The following PLD5 variants were observed in gnomAD, a reference collection of about 807,000 sequenced individuals.
PLD5 encodes inactive phospholipase D5.
In PLD5, 36 loss-of-function variants were observed where a neutral mutation model predicts 61.1. The ratio of observed to expected loss-of-function variants is 0.59; its 90% confidence interval spans 0.45 to 0.78. PLD5 has a LOEUF of 0.78. Among genes scored for constraint, PLD5 ranks in the 30% least tolerant of loss-of-function variants. The probability of loss-of-function intolerance (pLI) is 0.00; values close to 1 mark genes in which losing one functional copy is unlikely to be tolerated. For synonymous variants in PLD5, 243 were observed against 242.8 expected (o/e 1.00, Z -0.01); for missense variants, 515 against 644.4 (o/e 0.80, Z 2.17).
intron 4 of PLD5, among the ~76,000 whole-genome samples, chr1:242,233,504 T>A (rs1458725584): frequency 6.6e-6 from 1 of 151,954 alleles, no homozygotes; most frequent in Non-Finnish European, 1.5e-5. Context: ...GAGTCCCCTA[T>A]TCAATATTGT....
At chr1:242,173,848 T>C (rs1666932050) in intron 5 of PLD5, among the ~76,000 whole-genome samples, 1 of 152,270 alleles carries the variant, frequency 6.6e-6, no homozygotes. Context: ...TAGCCATATG[T>C]AGAAAGCTGA....
At chr1:242,472,039 T>A (rs1467938445) in intron 1 of PLD5, among the ~76,000 whole-genome samples, 1 of 152,172 alleles carries the variant, frequency 6.6e-6, no homozygotes, top group East Asian at 1.9e-4. Context: ...CCCACAAGAT[T>A]ATGTATTTCA....
chr1:242,236,829 C>G (rs1282277862), intron 4 of PLD5, among the ~76,000 whole-genome samples: 5 of 152,192 alleles, frequency 3.3e-5, no homozygotes, highest in Non-Finnish European at 7.3e-5. Context: ...TTTTCAACTT[C>G]AGAATTCCTC....
intron 2 of PLD5, among the ~76,000 whole-genome samples, chr1:242,315,099 A>C (rs1189882566): frequency 1.3e-5 from 2 of 152,176 alleles, no homozygotes; most frequent in African/African-American, 4.8e-5. Flanking sequence ...GTGGATGACT[A>C]AAAACTCCTG....
At chr1:242,388,937 G>C (rs1185487996) in intron 1 of PLD5, among the ~76,000 whole-genome samples, 2 of 151,742 alleles carry the variant, frequency 1.3e-5, no homozygotes, top group East Asian at 3.9e-4. Context: ...GCTGGTGACA[G>C]AATGAGACTC....
intron 1 of PLD5, among the ~76,000 whole-genome samples, chr1:242,440,438 A>G (rs1666219403): frequency 1.3e-5 from 2 of 152,172 alleles, no homozygotes; most frequent in Non-Finnish European, 2.9e-5. Flanking sequence ...TTCCTAAATC[A>G]TCAGTGCTTG....
chr1:242,504,258 C>T (rs974447159), intron 1 of PLD5, among the ~76,000 whole-genome samples: 4 of 152,184 alleles, frequency 2.6e-5, no homozygotes, highest in African/African-American at 9.6e-5. Flanking sequence ...TTGTTTTCAT[C>T]ATTCTGGTCC....
At chr1:242,285,267 G>A (rs993095489) in intron 3 of PLD5, among the ~76,000 whole-genome samples, 9 of 152,158 alleles carry the variant, frequency 5.9e-5, no homozygotes, top group African/African-American at 9.7e-5. Flanking sequence ...ATGGGAGACC[G>A]TGGTGGGTGG....
At chr1:242,373,034 A>T (rs1404038369) in intron 1 of PLD5, among the ~76,000 whole-genome samples, 1 of 152,242 alleles carries the variant, frequency 6.6e-6, no homozygotes, top group Non-Finnish European at 1.5e-5. Flanking sequence ...AAATTTTTGC[A>T]ATCTACTCAT....
At chr1:242,399,374 A>T (rs1034304424) in intron 1 of PLD5, among the ~76,000 whole-genome samples, 1 of 152,218 alleles carries the variant, frequency 6.6e-6, no homozygotes. Context: ...CTTGAAAAAG[A>T]TGTTGGCACT....
chr1:242,344,113 C>T (rs916367802), intron 2 of PLD5, among the ~76,000 whole-genome samples: 14 of 152,206 alleles, frequency 9.2e-5, no homozygotes, highest in African/African-American at 2.2e-4. Flanking sequence ...CTATAACAAT[C>T]GGCCCCAAAT....
the PLD5 span, among the ~76,000 whole-genome samples, chr1:242,529,871 CCTTT>C: frequency 6.7e-6 from 1 of 149,542 alleles, no homozygotes; most frequent in Admixed American, 6.7e-5. Context: ...CTCTCTTTCT[CCTTT>C]CTTTCTTTTT....
At chr1:242,209,226 G>A (rs1308568938) in intron 5 of PLD5, 1 of 152,080 alleles carries the variant, frequency 6.6e-6, no homozygotes, top group Non-Finnish European at 1.5e-5. Context: ...AGGAGCTCCT[G>A]AATTTCACAG....
At chr1:242,353,578 A>G (rs1660593193) in intron 1 of PLD5, among the ~76,000 whole-genome samples, 1 of 152,102 alleles carries the variant, frequency 6.6e-6, no homozygotes, top group African/African-American at 2.4e-5. Flanking sequence ...TGGGATTTTG[A>G]TAAGAATTGC....
chr1:242,203,262 T>C (rs1669100509), intron 5 of PLD5, among the ~76,000 whole-genome samples: 1 of 152,136 alleles, frequency 6.6e-6, no homozygotes, highest in African/African-American at 2.4e-5. Flanking sequence ...ACCTACGGCT[T>C]CCCCATCCCA....
chr1:242,522,091 G>A (rs1388641500), intron 1 of PLD5, among the ~76,000 whole-genome samples: 1 of 152,038 alleles, frequency 6.6e-6, no homozygotes, highest in Non-Finnish European at 1.5e-5. Flanking sequence ...TTTATTTAAA[G>A]CCCCATTTCT....
At position 242,346,988 on chromosome 1, in the gene PLD5, G is replaced by T. The variant is rs557565546; in HGVS notation, c.326+1118C>A. On this transcript the variant is annotated intron_variant, in intron 2 of 9. Coordinates refer to ENST00000536534, the MANE Select transcript of PLD5 (RefSeq NM_001372062.1). ...ATGTCCCTGCAAAGGACGTGATCTT[G>T]TTCCTTTTTATGGCTACATAATATT... Among the ~76,000 whole-genome samples, 111 of 152,274 alleles carry T rather than the reference G, an allele frequency of 7.3e-4. 1 individual carries two copies. Among genetic ancestry groups the T allele is most frequent in the African/African-American group, 2.4e-3 (101 of 41,542 alleles).
intron 1 of PLD5, among the ~76,000 whole-genome samples, chr1:242,445,986 CTAAT>C: frequency 6.6e-6 from 1 of 151,806 alleles, no homozygotes; most frequent in Non-Finnish European, 1.5e-5. Flanking sequence ...TCATGGTCTC[CTAAT>C]TAAACATTCT....
intron 2 of PLD5, among the ~76,000 whole-genome samples, chr1:242,308,407 A>G (rs1159554074): frequency 6.6e-6 from 1 of 152,238 alleles, no homozygotes; most frequent in African/African-American, 2.4e-5. Flanking sequence ...TTTGAAAATA[A>G]CTTTACTCAT....
Sources: allele counts gnomAD v4.1 joint callset (sites outside exome capture counted in the v4.1 genomes callset), GRCh38; gene constraint gnomAD v4.1.1; transcripts MANE v1.5; gene names NCBI Gene and HGNC (gene_info 2026-07-23, HGNC 2026-07-21).